API5: variants seen among roughly 807,000 people sequenced by gnomAD.
API5 encodes FIF.
API5 carries 6 observed loss-of-function variants against 71.9 expected under a neutral mutation model. The observed-to-expected ratio is 0.08, with a 90% CI of 0.05 to 0.16. The LOEUF (loss-of-function observed/expected upper bound fraction) is 0.16. Ranked by LOEUF, API5 falls within the 10% of genes least tolerant of loss-of-function variation. The pLI is 1.00. For missense variants in API5, 332 were observed against 612.8 expected, an observed-to-expected ratio of 0.54 and a Z score of 4.84; for synonymous variants, 189 against 221.3, an observed-to-expected ratio of 0.85 and a Z score of 1.30.
chr11:43,340,969 C>A (rs983082416), intron 13 of API5, among the ~76,000 whole-genome samples: 2 of 152,066 alleles, frequency 1.3e-5, no homozygotes, highest in Non-Finnish European at 2.9e-5. Context: ...GCAGAGGAAA[C>A]CATCAACAGT....
At chr11:43,327,696 G>C in intron 7 of API5, 93 bp from the exon 8 acceptor site, 1 of 880,188 alleles carries the variant, frequency 1.1e-6, no homozygotes, top group Middle Eastern at 3.6e-4. Flanking sequence ...AAACATAATT[G>C]AAAATAAAGT....
intron 13 of API5, among the ~76,000 whole-genome samples, chr11:43,338,425 T>C (rs1242452761): frequency 6.6e-6 from 1 of 152,162 alleles, no homozygotes; most frequent in Non-Finnish European, 1.5e-5. Context: ...CTAAAAGTAC[T>C]AAATGTTCTA....
At chr11:43,318,318 T>A in intron 1 of API5, 6 of 1,188,500 alleles carry the variant, frequency 5.0e-6, no homozygotes, top group Non-Finnish European at 7.1e-6. Context: ...CCATTACAAA[T>A]TTTTTAAGCA....
intron 11 of API5, among the ~76,000 whole-genome samples, chr11:43,332,350 C>T (rs1855285748): frequency 6.6e-6 from 1 of 152,146 alleles, no homozygotes; most frequent in Non-Finnish European, 1.5e-5. Context: ...CCCAGTCCCA[C>T]AAGACCACTT....
At chr11:43,316,421 A>G (rs1020860950) in intron 1 of API5, among the ~76,000 whole-genome samples, 6 of 151,652 alleles carry the variant, frequency 4.0e-5, no homozygotes, top group African/African-American at 1.5e-4. Context: ...TGGACAGTGT[A>G]AGGAGTTTCT....
chr11:43,332,993 T>C (rs956341174), intron 11 of API5, among the ~76,000 whole-genome samples: 3 of 152,228 alleles, frequency 2.0e-5, no homozygotes, highest in African/African-American at 7.2e-5. Context: ...CTTTCACCTT[T>C]ATTGCTCTGG....
intron 5 of API5, among the ~76,000 whole-genome samples, chr11:43,322,870 A>G (rs1854941739): frequency 6.6e-6 from 1 of 152,178 alleles, no homozygotes; most frequent in Non-Finnish European, 1.5e-5. Context: ...GTAATCTGGT[A>G]GAGTATGTCG....
At chr11:43,335,821 GAATGTTTTTGA>G (rs1480395460) in intron 12 of API5, 26 bp from the exon 13 acceptor site, 1 of 1,567,390 alleles carries the variant, frequency 6.4e-7, no homozygotes, top group African/African-American at 1.4e-5. Flanking sequence ...TGGCTTAATA[GAATGTTTTTGA>G]ATTGCTCTTC....
In API5 at chr11:43,313,916, C is replaced by T. The variant is rs1034291773; in HGVS notation, c.69+1720C>T. Among the ~76,000 whole-genome samples the T allele has an allele frequency of 5.9e-5, 9 of 151,958 alleles. No individual in the cohort carries two copies. In the East Asian group the frequency reaches 1.7e-3, roughly 29 times the overall value. ...CCAGCCTGGCCAACATGGTGAACCCCCATCTCTACTAAAAATACAAAAATT... is the reference window on the plus strand; with the variant it reads ...CCAGCCTGGCCAACATGGTGAACCCTCATCTCTACTAAAAATACAAAAATT... On this transcript the variant is annotated intron_variant, in intron 1 of 13. Transcript: ENST00000531273.
chr11:43,342,676 G>C lies in API5; in HGVS notation c.*166G>C. ...TGACCTACTTTTGTAACAGACCATG[G>C]TTGTGTCCAAGGTAAAACCACAGTG... On this transcript the variant is annotated 3_prime_UTR_variant, in exon 14 of 14. Coordinates refer to ENST00000531273, the MANE Select transcript of API5 (RefSeq NM_001142930.2). 1 of 753,788 alleles carries C rather than the reference G, an allele frequency of 1.3e-6. No homozygotes were observed. The highest frequency in any genetic ancestry group is 2.0e-5 in the Admixed American group (1 of 49,914). The allele number at this position is 753,788 out of a possible 1,614,324, so 46.7% of individuals were successfully genotyped here.
Position 43,320,860 on chromosome 11 carries a change from A to T in API5, c.271A>T (p.Thr91Ser). The T allele has an allele frequency of 6.2e-7, 1 of 1,612,192 alleles. No homozygotes were observed. The highest frequency in any genetic ancestry group is 8.5e-7 in the Non-Finnish European group (1 of 1,180,018). Reference protein sequence around the residue: ...QAIKELPQFATGENLPRVADI... With the variant: ...QAIKELPQFASGENLPRVADI... ...AATTAAAGAACTGCCTCAATTTGCC[A>T]CTGGAGAAAATCTTCCTCGAGTGGC... Residue 91 changes from threonine (T) to serine (S), a missense_variant, in exon 3 of 14, where the codon ACT (threonine) becomes TCT (serine). Physicochemically the swap from Thr to Ser is moderately conservative, Grantham distance 58 (BLOSUM62 1). Coordinates refer to ENST00000531273, the MANE Select transcript of API5 (RefSeq NM_001142930.2).
Position 43,335,865 on chromosome 11 carries a change from A to G in API5, c.1363A>G (p.Arg455Gly). Residue 455 changes from arginine (R) to glycine (G), a missense_variant, in exon 13 of 14, where the codon AGA becomes GGA. By Grantham distance (125) the Arg-to-Gly change is moderately radical. Transcript: ENST00000531273. ...PVQKVEIGQK[R>G]ASEDTTSGSP... Reference sequence around the variant, plus strand: ...TTCTTCCTATTGTTACAGGCAAAAGAGAGCCAGTGAAGATACAACTTCAGG... The same window carrying G: ...TTCTTCCTATTGTTACAGGCAAAAGGGAGCCAGTGAAGATACAACTTCAGG... The G allele has an allele frequency of 6.2e-7, 1 of 1,607,024 alleles. No homozygotes were observed. Among genetic ancestry groups the G allele is most frequent in the Non-Finnish European group, 8.5e-7 (1 of 1,178,300 alleles).
rs1855665019 is a variant in API5 at position 43,342,727 on chromosome 11, T to C, written c.*217T>C. ...ATATTTTTGGATGCTTTGTCTGCAA[T>C]CTTGACTTGTTTTTGCAGTATCATT... On this transcript the variant is annotated 3_prime_UTR_variant, in exon 14 of 14. Transcript: ENST00000531273. 1.9e-5 allele frequency: 13 copies of C among 667,390 alleles called. No homozygotes were observed. In the South Asian group the frequency reaches 2.0e-4, roughly 10 times the overall value. 41.3% of individuals were successfully genotyped at this position (667,390 alleles called of 1,614,324 possible).
intron 9 of API5, 140 bp downstream of exon 9, chr11:43,329,033 C>T: frequency 1.2e-6 from 1 of 833,084 alleles, no homozygotes. Flanking sequence ...AGAAAATGGG[C>T]ATGTTTGTAA....
intron 7 of API5, among the ~76,000 whole-genome samples, chr11:43,327,187 C>T (rs560106820): frequency 1.2e-4 from 19 of 152,256 alleles, no homozygotes; most frequent in Admixed American, 9.2e-4. Flanking sequence ...CCTCATGGGT[C>T]TTTGGGATAG....
At chr11:43,319,976 A>G (rs1798593753) in intron 2 of API5, among the ~76,000 whole-genome samples, 2 of 151,888 alleles carry the variant, frequency 1.3e-5, no homozygotes, top group Non-Finnish European at 2.9e-5. Flanking sequence ...TCAGCGAGAC[A>G]TTGTTAACAT....
At chr11:43,312,932 C>T (rs11828267) in intron 1 of API5, among the ~76,000 whole-genome samples, 2 of 151,720 alleles carry the variant, frequency 1.3e-5, no homozygotes, top group Non-Finnish European at 2.9e-5. Context: ...CATGGTGAAA[C>T]CCTGTCTCTA....
chr11:43,328,079 G>A (rs1223094525), intron 8 of API5, among the ~76,000 whole-genome samples: 3 of 152,186 alleles, frequency 2.0e-5, no homozygotes, highest in Non-Finnish European at 4.4e-5. Flanking sequence ...GGAGAAAATA[G>A]GCCATCTGAT....
chr11:43,320,918 A>G lies in API5; in HGVS notation c.325+4A>G, dbSNP rs1201145796. 10 of 1,602,834 alleles carry G rather than the reference A, an allele frequency of 6.2e-6. No individual in the cohort carries two copies. The highest frequency in any genetic ancestry group is 7.7e-6 in the Non-Finnish European group (9 of 1,172,330). ...CTAACGCAACTTTTGCAGACAGGTA[A>G]GGGATTTTATTATTACCTTTTTCTC... On this transcript the variant is annotated splice_donor_region_variant and intron_variant, in intron 3 of 13. Coordinates refer to ENST00000531273, the MANE Select transcript of API5 (RefSeq NM_001142930.2).
Sources: gnomAD v4.1 joint callset for allele counts (sites outside exome capture counted in the v4.1 genomes callset) on GRCh38, gnomAD v4.1.1 for gene constraint, MANE v1.5 for transcripts, NCBI Gene and HGNC (gene_info 2026-07-23, HGNC 2026-07-21) for gene names.